The following SAMMSON variants were observed in gnomAD, a reference collection of about 807,000 sequenced individuals.
SAMMSON encodes long intergenic non-protein coding RNA 1212.
chr3:70,176,865 G>A (rs1310156600), intron 4 of SAMMSON, among the ~76,000 whole-genome samples: 1 of 152,084 alleles, frequency 6.6e-6, no homozygotes, highest in Non-Finnish European at 1.5e-5. Context: ...TACTTGATAA[G>A]GGCTTAAATT....
intron 4 of SAMMSON, among the ~76,000 whole-genome samples, chr3:70,185,947 A>C (rs889496238): frequency 2.0e-5 from 3 of 152,162 alleles, no homozygotes; most frequent in Admixed American, 2.0e-4. Flanking sequence ...TCTGCACTCC[A>C]GTCTGGGCAA....
At chr3:70,416,112 C>T (rs1701262643) in intron 2 of SAMMSON, among the ~76,000 whole-genome samples, 1 of 152,086 alleles carries the variant, frequency 6.6e-6, no homozygotes, top group South Asian at 2.1e-4. Flanking sequence ...TCCATTGGGA[C>T]AATCATAAAA....
chr3:70,304,105 G>A (rs1467008080), intron 7 of SAMMSON, among the ~76,000 whole-genome samples: 1 of 152,110 alleles, frequency 6.6e-6, no homozygotes, highest in East Asian at 1.9e-4. Flanking sequence ...CAGGGTCTAT[G>A]AAAGGCTCTA....
intron 4 of SAMMSON, among the ~76,000 whole-genome samples, chr3:70,219,407 G>T (rs1701442212): frequency 6.6e-6 from 1 of 152,088 alleles, no homozygotes; most frequent in Non-Finnish European, 1.5e-5. Context: ...TTTTTTAGAG[G>T]TGTTGATTTT....
At position 70,275,370 on chromosome 3, in the gene SAMMSON, T is replaced by C. The variant is rs117521457; in HGVS notation, n.675-15809T>C. 9.2e-3 allele frequency among the ~76,000 whole-genome samples: 1,398 copies of C among 151,838 alleles called. 38 individuals carry two copies. The highest frequency in any genetic ancestry group is 0.083 in the East Asian group (427 of 5,140). On this transcript the variant is annotated intron_variant and non_coding_transcript_variant, in intron 6 of 9. Transcript: ENST00000642114. ...CAAAAAATAAAAAGAAAAAAATTAG[T>C]TGGGTGTGGTGGCATGTGCCTGTAG...
chr3:70,206,541 G>T (rs1701292232), intron 4 of SAMMSON: 2 of 397,238 alleles, frequency 5.0e-6, no homozygotes, highest in South Asian at 1.3e-4. Context: ...GCTTTATTTA[G>T]AGATGGGTTG....
intron 4 of SAMMSON, among the ~76,000 whole-genome samples, chr3:70,083,417 G>A (rs564023224): frequency 1.4e-4 from 22 of 152,222 alleles, no homozygotes; most frequent in African/African-American, 5.3e-4. Flanking sequence ...AGATTTCTAT[G>A]TCACCTCTAT....
intron 3 of SAMMSON, among the ~76,000 whole-genome samples, chr3:70,022,426 C>CAAAAAAAAAAAAAAAAAAAAA (rs60455629): frequency 8.8e-5 from 8 of 91,126 alleles, no homozygotes; most frequent in African/African-American, 2.0e-4. Context: ...AGTATAATAA[C>CAAAAAAAAAAAAAAAAAAAAA]AAAAAAAAAA....
intron 4 of SAMMSON, among the ~76,000 whole-genome samples, chr3:70,155,355 C>T (rs1171822517): frequency 2.0e-5 from 3 of 151,980 alleles, no homozygotes; most frequent in Admixed American, 6.6e-5. Context: ...AATGTTATCA[C>T]ATTAGAACTG....
intron 4 of SAMMSON, among the ~76,000 whole-genome samples, chr3:70,108,636 T>G (rs1231749992): frequency 6.6e-6 from 1 of 150,758 alleles, no homozygotes; most frequent in East Asian, 2.0e-4. Flanking sequence ...TTAGATGAGG[T>G]CTTGAGGGTG....
At chr3:70,225,631 C>A (rs1701497266) in intron 4 of SAMMSON, among the ~76,000 whole-genome samples, 1 of 152,162 alleles carries the variant, frequency 6.6e-6, no homozygotes, top group African/African-American at 2.4e-5. Context: ...ATTCCAAGTT[C>A]TCTAAACACA....
At chr3:70,156,636 G>A (rs746529558) in intron 4 of SAMMSON, among the ~76,000 whole-genome samples, 1 of 152,014 alleles carries the variant, frequency 6.6e-6, no homozygotes, top group Admixed American at 6.6e-5. Context: ...TTTAGAAATC[G>A]TTTGAAGAAT....
chr3:70,144,777 A>C (rs1230083319), intron 4 of SAMMSON, among the ~76,000 whole-genome samples: 1 of 152,024 alleles, frequency 6.6e-6, no homozygotes, highest in African/African-American at 2.4e-5. Flanking sequence ...TCCATGCACA[A>C]GCTCTCTCTT....
At chr3:70,284,826 T>G (rs1702126130) in intron 6 of SAMMSON, among the ~76,000 whole-genome samples, 1 of 152,068 alleles carries the variant, frequency 6.6e-6, no homozygotes, top group Non-Finnish European at 1.5e-5. Flanking sequence ...CATGAAATAG[T>G]CTGTATAACA....
chr3:70,096,662 A>G (rs916594192), intron 4 of SAMMSON, among the ~76,000 whole-genome samples: 1 of 152,192 alleles, frequency 6.6e-6, no homozygotes, highest in Admixed American at 6.5e-5. Context: ...CAAAGGAAGG[A>G]TACTACACAA....
intron 4 of SAMMSON, among the ~76,000 whole-genome samples, chr3:70,078,754 A>G (rs920234674): frequency 5.3e-5 from 8 of 152,208 alleles, no homozygotes; most frequent in African/African-American, 9.6e-5. Flanking sequence ...ACAGGCACCC[A>G]TGGCACAAAA....
At chr3:70,088,414 G>A (rs575523625) in intron 4 of SAMMSON, among the ~76,000 whole-genome samples, 5 of 152,272 alleles carry the variant, frequency 3.3e-5, no homozygotes, top group African/African-American at 1.2e-4. Context: ...AGGAAGAGGA[G>A]GAAGGCAGAA....
At chr3:70,287,577 T>C (rs1237154324) in intron 6 of SAMMSON, among the ~76,000 whole-genome samples, 2 of 152,104 alleles carry the variant, frequency 1.3e-5, no homozygotes, top group African/African-American at 4.8e-5. Flanking sequence ...CCTCATAAAA[T>C]GAGTGAGGGA....
chr3:70,019,692 A>G (rs1426914756), intron 3 of SAMMSON, among the ~76,000 whole-genome samples: 1 of 152,092 alleles, frequency 6.6e-6, no homozygotes, highest in Admixed American at 6.6e-5. Flanking sequence ...GGTCTTTACA[A>G]TTTGGCATGT....
Sources: allele counts gnomAD v4.1 joint callset (sites outside exome capture counted in the v4.1 genomes callset), GRCh38; gene constraint gnomAD v4.1.1; transcripts MANE v1.5; gene names NCBI Gene and HGNC (gene_info 2026-07-23, HGNC 2026-07-21).